Variants in TMEM132B observed in about 807,000 individuals in gnomAD.
The protein encoded by TMEM132B is transmembrane protein 132B.
Under a neutral mutation model 90.8 loss-of-function variants are expected in TMEM132B, and 18 were observed. That is an observed-to-expected ratio of 0.20 (90% CI 0.14 to 0.29). The LOEUF is 0.29. TMEM132B is among the 10% of genes least tolerant of loss of function. The pLI is 1.00. For missense variants in TMEM132B, 1,096 were observed against 1,326.8 expected (o/e 0.83, Z 2.70); for synonymous variants, 504 against 523.3 (o/e 0.96, Z 0.50).
intron 2 of TMEM132B, among the ~76,000 whole-genome samples, chr12:125,412,606 G>A (rs1179218431): frequency 6.6e-6 from 1 of 152,316 alleles, no homozygotes; most frequent in East Asian, 1.9e-4. Flanking sequence ...TGGATGTTGA[G>A]AACAACGGTG....
At chr12:125,638,546 G>A (rs1389359699) in intron 5 of TMEM132B, among the ~76,000 whole-genome samples, 2 of 152,016 alleles carry the variant, frequency 1.3e-5, no homozygotes, top group African/African-American at 4.8e-5. Flanking sequence ...CTCTTTTAAT[G>A]TAGAATTTCA....
At chr12:125,280,837 T>C (rs550974314) in intron 1 of TMEM132B, among the ~76,000 whole-genome samples, 1 of 152,178 alleles carries the variant, frequency 6.6e-6, no homozygotes, top group African/African-American at 2.4e-5. Flanking sequence ...CTCCAGACTT[T>C]GCGGGAAGAA....
At chr12:125,489,535 C>T (rs961285610) in intron 3 of TMEM132B, among the ~76,000 whole-genome samples, 2 of 152,028 alleles carry the variant, frequency 1.3e-5, no homozygotes, top group African/African-American at 4.8e-5. Context: ...CTCCACCAAG[C>T]AGGTGGGACT....
chr12:125,620,512 A>G (rs1886091341), intron 5 of TMEM132B, among the ~76,000 whole-genome samples: 1 of 152,192 alleles, frequency 6.6e-6, no homozygotes, highest in South Asian at 2.1e-4. Context: ...AAACCAGCTT[A>G]ATGTGCTGTC....
chr12:125,602,473 AAG>A (rs1250863747), intron 5 of TMEM132B, among the ~76,000 whole-genome samples: 1 of 152,210 alleles, frequency 6.6e-6, no homozygotes, highest in Non-Finnish European at 1.5e-5. Context: ...TCAAAATAAT[AAG>A]AGCTATTTAT....
Position 125,325,030 on chromosome 12 carries a change from C to T in TMEM132B, c.68-24422C>T, listed in dbSNP as rs191018116. Among the ~76,000 whole-genome samples the T allele has an allele frequency of 1.1e-4, 16 of 152,150 alleles. No individual in the cohort carries two copies. In the East Asian group the frequency reaches 2.9e-3, roughly 28 times the overall value. ...TGCCTGCAACGCAAAACAGAGAGCT[C>T]TTCTGGCATTGTTTCCACTGAGATA... is the stretch of plus-strand genomic sequence containing the variant. On this transcript the variant is annotated intron_variant, in intron 1 of 8. Coordinates refer to ENST00000682704, the MANE Select transcript of TMEM132B (RefSeq NM_001366854.1).
intron 1 of TMEM132B, among the ~76,000 whole-genome samples, chr12:125,201,021 T>TG (rs992662956): frequency 2.0e-5 from 3 of 152,228 alleles, no homozygotes; most frequent in African/African-American, 7.2e-5. Context: ...TTGTTTCTAA[T>TG]GGAAAACTGT....
chr12:125,652,463 C>G lies in TMEM132B; in HGVS notation c.1937C>G (p.Ser646Cys). 6.2e-7 allele frequency: 1 copy of G among 1,609,354 alleles called. No individual in the cohort carries two copies. The highest frequency in any genetic ancestry group is 8.5e-7 in the Non-Finnish European group (1 of 1,177,454). ...TVQVLSPLSDSILAEKTVIVL... is the reference protein window; with the variant it reads ...TVQVLSPLSDCILAEKTVIVL... ...CAGGTCCTCTCGCCGTTGTCTGACT[C>G]CATCCTGGCTGAGAAGACGGTGATT... Residue 646 changes from serine (S) to cysteine (C), a missense_variant, in exon 8 of 9, where the codon TCC becomes TGC. Coordinates refer to ENST00000682704, the MANE Select transcript of TMEM132B (RefSeq NM_001366854.1).
chr12:125,453,032 C>T (rs1223486348), intron 3 of TMEM132B, among the ~76,000 whole-genome samples: 2 of 150,628 alleles, frequency 1.3e-5, no homozygotes, highest in Non-Finnish European at 3.0e-5. Context: ...GGCTTGTCTC[C>T]TATAATTTAA....
intron 1 of TMEM132B, among the ~76,000 whole-genome samples, chr12:125,323,736 C>T (rs1876489697): frequency 6.6e-6 from 1 of 152,176 alleles, no homozygotes; most frequent in Admixed American, 6.5e-5. Flanking sequence ...TCAGGCTGGT[C>T]TCCAACTCCT....
intron 2 of TMEM132B, among the ~76,000 whole-genome samples, chr12:125,353,201 A>G (rs924701011): frequency 6.6e-6 from 1 of 151,332 alleles, no homozygotes; most frequent in Non-Finnish European, 1.5e-5. Flanking sequence ...CATGGCAGAC[A>G]TTACCAATCA....
chr12:125,274,892 C>CAT (rs1158604619), intron 1 of TMEM132B, among the ~76,000 whole-genome samples: 5 of 152,096 alleles, frequency 3.3e-5, no homozygotes, highest in African/African-American at 1.2e-4. Context: ...TACTGCATTC[C>CAT]AGCCTGGGTG....
At chr12:125,254,207 G>A (rs1438144778) in intron 1 of TMEM132B, among the ~76,000 whole-genome samples, 2 of 152,020 alleles carry the variant, frequency 1.3e-5, no homozygotes, top group Non-Finnish European at 2.9e-5. Flanking sequence ...GAGGATCACC[G>A]GAGGTCGAAG....
At position 125,460,902 on chromosome 12, in the gene TMEM132B, G is replaced by T. The variant is rs1447314505; in HGVS notation, c.1106+45225G>T. Among the ~76,000 whole-genome samples the T allele has an allele frequency of 6.6e-6, 1 of 152,156 alleles. No homozygotes were observed. Among genetic ancestry groups the T allele is most frequent in the African/African-American group, 2.4e-5 (1 of 41,440 alleles). On this transcript the variant is annotated intron_variant, in intron 3 of 8. Coordinates refer to ENST00000682704, the MANE Select transcript of TMEM132B (RefSeq NM_001366854.1). This position sits in a 1 kb window ranked among gnomAD's most constrained non-coding sequence, Gnocchi z 4.4. ...TTGTCATCATGAAAGTTTTAAAAAA[G>T]ATCTTTACAATTTTGCTCCTCTCAG...
chr12:125,544,782 G>C (rs924445304), intron 4 of TMEM132B, among the ~76,000 whole-genome samples: 2 of 152,180 alleles, frequency 1.3e-5, no homozygotes, highest in African/African-American at 4.8e-5. Context: ...GTGGGTATAG[G>C]GTGTGGGCAG....
chr12:125,405,558 A>T (rs57546436), intron 2 of TMEM132B, among the ~76,000 whole-genome samples: 24,513 of 152,150 alleles, frequency 0.16, 2,474 homozygotes, highest in East Asian at 0.35. Flanking sequence ...TCAATGGCAA[A>T]GCCAGGACCT....
At chr12:125,634,145 C>T (rs182023701) in intron 5 of TMEM132B, among the ~76,000 whole-genome samples, 19 of 152,298 alleles carry the variant, frequency 1.2e-4, no homozygotes, top group Non-Finnish European at 2.6e-4. Context: ...AACCACTAGA[C>T]GCAGTCCTTC....
intron 1 of TMEM132B, among the ~76,000 whole-genome samples, chr12:125,347,692 A>G (rs1419839705): frequency 6.6e-6 from 1 of 152,290 alleles, no homozygotes; most frequent in East Asian, 1.9e-4. Flanking sequence ...GTTGGAAAAC[A>G]GGACTCCAGT....
chr12:125,644,238 A>G lies in TMEM132B; in HGVS notation c.1600A>G (p.Ser534Gly). ...GATTGAGATCTCAGACACCGAGCTGAGCCAGATCAAGGGCTGGAGGATCCC... is the reference window on the plus strand; with the variant it reads ...GATTGAGATCTCAGACACCGAGCTGGGCCAGATCAAGGGCTGGAGGATCCC... ...LQIEISDTELSQIKGWRIPVA... is the reference protein window; with the variant it reads ...LQIEISDTELGQIKGWRIPVA... The change falls in exon 6 of 9, where the codon AGC becomes GGC. Residue 534 changes from serine (S) to glycine (G), a missense_variant. Coordinates refer to ENST00000682704, the MANE Select transcript of TMEM132B (RefSeq NM_001366854.1). 6.2e-7 allele frequency: 1 copy of G among 1,614,218 alleles called. No homozygotes were observed. The highest frequency in any genetic ancestry group is 8.5e-7 in the Non-Finnish European group (1 of 1,180,040).
Sources: gnomAD v4.1 joint callset for allele counts (sites outside exome capture counted in the v4.1 genomes callset) on GRCh38, gnomAD v4.1.1 for gene constraint, Gnocchi (gnomAD v3.1) non-coding constraint, MANE v1.5 for transcripts, NCBI Gene and HGNC (gene_info 2026-07-23, HGNC 2026-07-21) for gene names.